Variants in HPSE2 observed in about 807,000 individuals in gnomAD.
HPSE2 encodes heparanase 2 (inactive), also known as inactive heparanase-2.
Under a neutral mutation model 60.5 loss-of-function variants are expected in HPSE2, and 38 were observed. The ratio of observed to expected loss-of-function variants is 0.63; its 90% CI spans 0.48 to 0.82. The LOEUF is 0.82. Ranked by LOEUF, HPSE2 falls within the 40% of genes least tolerant of loss-of-function variation. The pLI is 0.00. For synonymous variants in HPSE2, 295 were observed against 293.2 expected (o/e 1.01, Z -0.06); for missense variants, 713 against 740.4 (o/e 0.96, Z 0.43).
chr10:98,952,603 T>C (rs1357275262), intron 3 of HPSE2, among the ~76,000 whole-genome samples: 3 of 152,116 alleles, frequency 2.0e-5, no homozygotes, highest in Non-Finnish European at 4.4e-5. Context: ...ATTGTATTAG[T>C]CTAGTCAGCT....
intron 9 of HPSE2, among the ~76,000 whole-genome samples, chr10:98,566,320 CAT>C (rs1320800233): frequency 6.6e-6 from 1 of 152,150 alleles, no homozygotes; most frequent in Non-Finnish European, 1.5e-5. Flanking sequence ...AATGACTTAA[CAT>C]GTGATCTTCT....
chr10:98,595,196 G>T (rs1945198841), intron 9 of HPSE2, among the ~76,000 whole-genome samples: 1 of 121,464 alleles, frequency 8.2e-6, no homozygotes, highest in African/African-American at 3.1e-5. Flanking sequence ...TTGAGACGGA[G>T]TCTCGCTCTG....
intron 3 of HPSE2, among the ~76,000 whole-genome samples, chr10:98,834,896 A>G (rs1306233479): frequency 6.6e-6 from 1 of 152,026 alleles, no homozygotes; most frequent in East Asian, 1.9e-4. Flanking sequence ...TTTGCAAAAT[A>G]TAGTTACTTA....
At chr10:98,629,479 T>G (rs950259196) in intron 7 of HPSE2, among the ~76,000 whole-genome samples, 4 of 152,192 alleles carry the variant, frequency 2.6e-5, no homozygotes, top group African/African-American at 7.2e-5. Flanking sequence ...TCTGTGCCCT[T>G]CCCATGTTTC....
chr10:98,721,542 C>T lies in HPSE2; in HGVS notation c.956+115G>A. On this transcript the variant is annotated intron_variant, in intron 5 of 11. Transcript: ENST00000370552. ...GAAGCCACTATGGAAAGAGTCCCTC[C>T]TTTTTTCTTAAGACCAAAATAAATA... 22 of 1,084,620 alleles carry T rather than the reference C, an allele frequency of 2.0e-5. No homozygotes were observed. In the South Asian group the frequency reaches 3.1e-4, roughly 15 times the overall value. 67.2% of individuals were successfully genotyped at this position (1,084,620 alleles called of 1,614,324 possible). A position where few individuals can be genotyped will look rare whatever the true frequency, so the allele number is the denominator to read the frequency against.
chr10:98,495,126 T>C (rs901887177), intron 9 of HPSE2, among the ~76,000 whole-genome samples: 2 of 152,118 alleles, frequency 1.3e-5, no homozygotes, highest in African/African-American at 4.8e-5. Flanking sequence ...ATTTCTCCCC[T>C]ACTTTTGAAG....
At chr10:98,673,056 G>T (rs1947547498) in intron 6 of HPSE2, among the ~76,000 whole-genome samples, 1 of 152,156 alleles carries the variant, frequency 6.6e-6, no homozygotes, top group Non-Finnish European at 1.5e-5. Context: ...TATAAAGATG[G>T]TTCCAAAAGA....
At chr10:98,934,345 T>G (rs981180390) in intron 3 of HPSE2, among the ~76,000 whole-genome samples, 2 of 144,442 alleles carry the variant, frequency 1.4e-5, no homozygotes, top group Non-Finnish European at 3.0e-5. Context: ...TTTTGCAGAC[T>G]TGTTAATGTA....
intron 2 of HPSE2, among the ~76,000 whole-genome samples, chr10:99,186,542 CAAAAAAAAAAAAAAAAAAAA>C (rs60186369): frequency 5.0e-5 from 3 of 59,456 alleles, no homozygotes; most frequent in Admixed American, 2.7e-4. Context: ...GACTCCATCT[CAAAAAAAAAAAAAAAAAAAA>C]AAAAAAAAAA....
At chr10:98,617,640 A>C (rs2133980388) in intron 8 of HPSE2, among the ~76,000 whole-genome samples, 1 of 152,252 alleles carries the variant, frequency 6.6e-6, no homozygotes, top group Non-Finnish European at 1.5e-5. Context: ...TAATAACAAG[A>C]CCCCTCAGAG....
intron 3 of HPSE2, among the ~76,000 whole-genome samples, chr10:99,114,807 G>A (rs1024910249): frequency 2.0e-5 from 3 of 151,108 alleles, no homozygotes; most frequent in Non-Finnish European, 3.0e-5. Flanking sequence ...CCAGCTACTC[G>A]GGAGGCTGAG....
At chr10:99,283,163 G>A in the HPSE2 span, among the ~76,000 whole-genome samples, 4 of 148,356 alleles carry the variant, frequency 2.7e-5, no homozygotes, top group East Asian at 2.0e-4. Context: ...TCCAGCCTGG[G>A]CGACAGAGTA....
intron 6 of HPSE2, among the ~76,000 whole-genome samples, chr10:98,659,876 A>G (rs186611702): frequency 6.6e-6 from 1 of 152,336 alleles, no homozygotes; most frequent in African/African-American, 2.4e-5. Context: ...CTTAGAGAAG[A>G]GGAAAGGAAA....
At chr10:98,969,169 T>C (rs1409391820) in intron 3 of HPSE2, among the ~76,000 whole-genome samples, 1 of 152,098 alleles carries the variant, frequency 6.6e-6, no homozygotes, top group Non-Finnish European at 1.5e-5. Context: ...TCAATGAGAC[T>C]CGTGTCTGGT....
At chr10:98,522,675 A>G (rs1014797633) in intron 9 of HPSE2, among the ~76,000 whole-genome samples, 48 of 152,214 alleles carry the variant, frequency 3.2e-4, no homozygotes, top group African/African-American at 1.1e-3. Flanking sequence ...ATGGGCTTTT[A>G]CCATATTGGC....
chr10:99,230,930 T>C (rs868025186), intron 2 of HPSE2, among the ~76,000 whole-genome samples: 2 of 152,308 alleles, frequency 1.3e-5, no homozygotes. Context: ...CAAATTACCA[T>C]AGGAGGTGCT....
At chr10:98,732,884 G>A (rs11189790) in intron 4 of HPSE2, among the ~76,000 whole-genome samples, 22,255 of 151,974 alleles carry the variant, frequency 0.15, 1,977 homozygotes, top group Admixed American at 0.23. Context: ...AAAAAAATAC[G>A]TGTATCCAGA....
At chr10:99,239,717 A>G (rs910430477), upstream of HPSE2, among the ~76,000 whole-genome samples, 23 of 151,918 alleles carry the variant, frequency 1.5e-4, no homozygotes, top group Non-Finnish European at 3.2e-4. Context: ...GGCATGAGCC[A>G]CCACGCCCAG....
intron 11 of HPSE2, among the ~76,000 whole-genome samples, chr10:98,460,417 A>G (rs1940238231): frequency 6.6e-6 from 1 of 152,116 alleles, no homozygotes; most frequent in African/African-American, 2.4e-5. Context: ...GCTTGAGTCC[A>G]GGAGTTTGAG....
Sources: gnomAD v4.1 joint callset for allele counts (sites outside exome capture counted in the v4.1 genomes callset) on GRCh38, gnomAD v4.1.1 for gene constraint, MANE v1.5 for transcripts, NCBI Gene and HGNC (gene_info 2026-07-23, HGNC 2026-07-21) for gene names.